ASTN1: variants seen among roughly 807,000 people sequenced by gnomAD.
The protein encoded by ASTN1 is astrotactin-1.
A neutral mutation model predicts 140.7 loss-of-function variants in ASTN1; 41 were observed. That is an observed-to-expected ratio of 0.29 (90% CI 0.23 to 0.38). The LOEUF is 0.38. Among genes scored for constraint, ASTN1 ranks in the 10% least tolerant of loss-of-function variants. ASTN1 has a pLI of 1.00. For missense variants in ASTN1, 1,479 were observed against 1,678.8 expected, an observed-to-expected ratio of 0.88 and a Z score of 2.08; for synonymous variants, 640 against 652.2, an observed-to-expected ratio of 0.98 and a Z score of 0.29.
chr1:176,890,811 A>G (rs1414612610), intron 17 of ASTN1, among the ~76,000 whole-genome samples: 1 of 152,148 alleles, frequency 6.6e-6, no homozygotes, highest in Non-Finnish European at 1.5e-5. Context: ...GGATCACCTG[A>G]GTTCAGAAGT....
intron 11 of ASTN1, among the ~76,000 whole-genome samples, chr1:176,954,402 C>G (rs1000379264): frequency 6.6e-5 from 10 of 152,082 alleles, no homozygotes; most frequent in Non-Finnish European, 1.3e-4. Context: ...TGGGTGGACT[C>G]TAGAATCTGC....
At chr1:176,873,513 T>C (rs563003636) in intron 21 of ASTN1, among the ~76,000 whole-genome samples, 4 of 152,328 alleles carry the variant, frequency 2.6e-5, no homozygotes, top group Admixed American at 2.0e-4. Context: ...GCTGAAGTCA[T>C]GCTCCAGGTC....
rs201838058 is a variant in ASTN1, at chr1:176,888,155, T to A, written c.2990A>T (p.Asp997Val). 95 of 1,614,038 alleles carry A rather than the reference T, an allele frequency of 5.9e-5. No homozygotes were observed. In the East Asian group the frequency reaches 1.1e-3, roughly 19 times the overall value. The stretch of plus-strand genomic sequence containing the variant: ...ACATCGACACCAGTCCTCGATGACA[T>A]CTCCAGTCCCTGAGCACCAGAGAGA... ...MSSLWCSGTG[D>V]VIEDWCRCDS... Residue 997 changes from aspartate (D) to valine (V), a missense_variant, in exon 18 of 23, where the codon GAT (aspartate) becomes GTT (valine). Physicochemically the swap from Asp to Val is radical, Grantham distance 152 (BLOSUM62 -3). Around this residue, in one of 3 missense-constraint regions of ASTN1, gnomAD observed 746 missense variants for 800.9 expected, o/e 0.93. Transcript: ENST00000361833.
rs1676326264 is a variant in ASTN1 at position 177,029,727 on chromosome 1, A to G, written c.1027T>C (p.Leu343=). The G allele has an allele frequency of 6.2e-7, 1 of 1,612,028 alleles. No homozygotes were observed. The highest frequency in any genetic ancestry group is 8.5e-7 in the Non-Finnish European group (1 of 1,178,880). ...GTGCCAGAATCCCCTTCAGGGTTCA[A>G]GAAGGCGGAACCAGCTGTAATGAAA... ...NNKARAGSAF[L]NPEGDSGTEA... is the part of the protein sequence containing the mutation. Residue 343 remains leucine, a synonymous_variant, in exon 5 of 23, where the codon TTG becomes CTG. Coordinates refer to ENST00000361833, the MANE Select transcript of ASTN1 (RefSeq NM_004319.3).
At chr1:177,152,941 T>C (rs971275454) in intron 1 of ASTN1, among the ~76,000 whole-genome samples, 6 of 152,168 alleles carry the variant, frequency 3.9e-5, no homozygotes, top group Non-Finnish European at 7.4e-5. Context: ...ATGGAATTTA[T>C]TATATGATAA....
chr1:176,945,992 A>T lies in ASTN1; in HGVS notation c.2183T>A (p.Met728Lys). 5.0e-6 allele frequency: 8 copies of T among 1,614,130 alleles called. No homozygotes were observed. The highest frequency in any genetic ancestry group is 6.8e-6 in the Non-Finnish European group (8 of 1,179,982). Residue 728 changes from methionine (M) to lysine (K), a missense_variant, in exon 13 of 23, where the codon ATG becomes AAG. By Grantham distance (95) the Met-to-Lys change is moderately conservative. Transcript: ENST00000361833. ...GGAATGGTTGTTGTAACCAAAGAAC[A>T]TCTCCCCAAAGAGGGTCTGGTTCAT... ...LPMNQTLFGE[M>K]FFGYNNHSKE...
At chr1:177,054,180 T>A (rs1677681820) in intron 2 of ASTN1, among the ~76,000 whole-genome samples, 1 of 152,176 alleles carries the variant, frequency 6.6e-6, no homozygotes, top group South Asian at 2.1e-4. Flanking sequence ...TACTTTTAGA[T>A]AAATCACATA....
intron 1 of ASTN1, among the ~76,000 whole-genome samples, chr1:177,105,646 A>G (rs1279594259): frequency 1.7e-5 from 2 of 118,038 alleles, no homozygotes. Flanking sequence ...GCTTCATGGA[A>G]AAAAAAAAAA....
chr1:177,028,236 C>A (rs980699353), intron 5 of ASTN1, among the ~76,000 whole-genome samples: 10 of 152,126 alleles, frequency 6.6e-5, no homozygotes, highest in Admixed American at 4.6e-4. Context: ...GCAGGACACA[C>A]CCTGCTTTGA....
rs139172630 is a variant in ASTN1, at chr1:176,885,756, C to A, written c.3075-1266G>T. On this transcript the variant is annotated intron_variant, in intron 18 of 22. Transcript: ENST00000361833. Reference sequence around the variant, plus strand: ...TACTGGGGATGCAGTGGTGCACAAGCCCATCCCAGTCCCTTCTTTAAAGGA... The same window carrying A: ...TACTGGGGATGCAGTGGTGCACAAGACCATCCCAGTCCCTTCTTTAAAGGA... Among the ~76,000 whole-genome samples, 135 of 152,250 alleles carry A rather than the reference C, an allele frequency of 8.9e-4. 2 individuals carry two copies. The East Asian group carries it at 0.025, about 28-fold the overall frequency.
chr1:177,032,312 G>A, intron 3 of ASTN1, 144 bp downstream of exon 3: 1 of 1,124,178 alleles, frequency 8.9e-7, no homozygotes, highest in Non-Finnish European at 1.3e-6. Context: ...TCAGGAAACA[G>A]GTTATTCTTG....
At chr1:176,983,870 C>T (rs1457555017) in intron 8 of ASTN1, among the ~76,000 whole-genome samples, 1 of 152,214 alleles carries the variant, frequency 6.6e-6, no homozygotes, top group Non-Finnish European at 1.5e-5. Context: ...TCTGCACTAA[C>T]AAAAGATTTC....
intron 1 of ASTN1, among the ~76,000 whole-genome samples, chr1:177,156,341 G>C (rs1005237596): frequency 6.6e-6 from 1 of 151,504 alleles, no homozygotes; most frequent in Admixed American, 6.6e-5. Context: ...TAGAATAGGG[G>C]CAGGTAATAT....
chr1:177,006,368 A>T (rs1464650459), intron 8 of ASTN1, among the ~76,000 whole-genome samples: 2 of 152,118 alleles, frequency 1.3e-5, no homozygotes, highest in African/African-American at 4.8e-5. Flanking sequence ...AGTTTTCTCT[A>T]CACATGGGAT....
chr1:177,129,251 C>T (rs1681823720), intron 1 of ASTN1, among the ~76,000 whole-genome samples: 1 of 152,124 alleles, frequency 6.6e-6, no homozygotes, highest in Non-Finnish European at 1.5e-5. Flanking sequence ...GTTCATAGAA[C>T]AAGTTGGCAT....
At chr1:177,000,185 A>G (rs1674658318) in intron 8 of ASTN1, among the ~76,000 whole-genome samples, 1 of 152,198 alleles carries the variant, frequency 6.6e-6, no homozygotes, top group South Asian at 2.1e-4. Flanking sequence ...CTTTTTGACA[A>G]CAGTTCCTGC....
chr1:177,087,469 T>C (rs1046264589), intron 1 of ASTN1, among the ~76,000 whole-genome samples: 1 of 152,180 alleles, frequency 6.6e-6, no homozygotes, highest in African/African-American at 2.4e-5. Flanking sequence ...TGCTGAATTC[T>C]GCCCGTTCAG....
At chr1:176,950,446 A>T (rs2103118084) in intron 11 of ASTN1, among the ~76,000 whole-genome samples, 1 of 152,314 alleles carries the variant, frequency 6.6e-6, no homozygotes, top group South Asian at 2.1e-4. Flanking sequence ...TTTACTGAAC[A>T]CTTATGAGGA....
intron 1 of ASTN1, among the ~76,000 whole-genome samples, chr1:177,132,169 T>A (rs12070572): frequency 6.6e-6 from 1 of 152,072 alleles, no homozygotes; most frequent in African/African-American, 2.4e-5. Context: ...ATATATTACC[T>A]TTATAATTGA....
Sources: gnomAD v4.1 joint callset for allele counts (sites outside exome capture counted in the v4.1 genomes callset) on GRCh38, gnomAD v4.1.1 for gene constraint, gnomAD v4.1.1 regional missense constraint, MANE v1.5 for transcripts, NCBI Gene and HGNC (gene_info 2026-07-23, HGNC 2026-07-21) for gene names.